KIF4A: variants seen among roughly 807,000 people sequenced by gnomAD.
KIF4A encodes kinesin family member 4A.
In KIF4A, 7 loss-of-function variants were observed where a neutral mutation model predicts 105.9. The ratio of observed to expected loss-of-function variants is 0.07; its 90% CI spans 0.04 to 0.12. The LOEUF is 0.12. Ranked by LOEUF, KIF4A falls within the 10% of genes least tolerant of loss-of-function variation. KIF4A has a pLI of 1.00. For missense variants in KIF4A, 558 were observed against 929.2 expected (o/e 0.60, Z 5.19); for synonymous variants, 281 against 331.3 (o/e 0.85, Z 1.65).
intron 11 of KIF4A, among the ~76,000 whole-genome samples, chrX:70,342,661 A>G (rs1385480726): frequency 1.8e-5 from 2 of 112,654 alleles, no homozygotes; most frequent in East Asian, 2.8e-4. Flanking sequence ...AGTCAAGGAA[A>G]GATAAGCTGC....
chrX:70,357,521 G>A (rs1360162846), intron 15 of KIF4A, among the ~76,000 whole-genome samples: 4 of 111,972 alleles, frequency 3.6e-5, no homozygotes, highest in Non-Finnish European at 5.6e-5. Flanking sequence ...TGTTGACATG[G>A]ATTTCATGTC....
At chrX:70,414,823 G>T (rs145116497) in intron 28 of KIF4A, among the ~76,000 whole-genome samples, 1 of 111,824 alleles carries the variant, frequency 8.9e-6, no homozygotes, top group Non-Finnish European at 1.9e-5. Context: ...GGGATGTTAA[G>T]AGGGGCTTCA....
rs2086034102 is a variant in KIF4A, at chrX:70,352,303, A to G, written c.1432-297A>G. Among the ~76,000 whole-genome samples, 7 of 111,679 alleles carry G rather than the reference A, an allele frequency of 6.3e-5. No individual in the cohort carries two copies. The South Asian group carries it at 2.6e-3, about 42-fold the overall frequency. ...AAACTTTGGCCTTTTGGAATGGCTA[A>G]ATGTTTCACTCTGGCCCAAATGTCT... On this transcript the variant is annotated intron_variant, in intron 13 of 30. Coordinates refer to ENST00000374403, the MANE Select transcript of KIF4A (RefSeq NM_012310.5).
intron 7 of KIF4A, among the ~76,000 whole-genome samples, chrX:70,319,578 C>A (rs1413001505): frequency 2.7e-5 from 3 of 112,005 alleles, no homozygotes; most frequent in Non-Finnish European, 3.8e-5. Context: ...AAAATTAAAT[C>A]TGAGTGTTTT....
At chrX:70,371,206 G>C (rs1432678849) in intron 15 of KIF4A, among the ~76,000 whole-genome samples, 1 of 103,816 alleles carries the variant, frequency 9.6e-6, no homozygotes, top group Admixed American at 1.1e-4. Context: ...GTTTTCCACT[G>C]TCAAACTTCA....
chrX:70,401,914 CTT>C (rs2086283893), intron 22 of KIF4A, among the ~76,000 whole-genome samples: 1 of 111,687 alleles, frequency 9.0e-6, no homozygotes, highest in Non-Finnish European at 1.9e-5. Flanking sequence ...CTGGTATACT[CTT>C]TCTCACTAGA....
chrX:70,316,848 C>T (rs1177971487), intron 7 of KIF4A, among the ~76,000 whole-genome samples: 1 of 111,857 alleles, frequency 8.9e-6, no homozygotes, highest in African/African-American at 3.2e-5. Flanking sequence ...AGAGAAAATA[C>T]AAGATGCCTA....
intron 10 of KIF4A, among the ~76,000 whole-genome samples, chrX:70,335,681 A>T (rs2085947671): frequency 1.8e-5 from 2 of 111,871 alleles, no homozygotes; most frequent in Non-Finnish European, 3.8e-5. Context: ...ACATTGTAAC[A>T]ACTTAGAAAG....
At chrX:70,304,512 C>T (rs2085818359) in intron 7 of KIF4A, among the ~76,000 whole-genome samples, 1 of 109,799 alleles carries the variant, frequency 9.1e-6, no homozygotes, top group African/African-American at 3.3e-5. Context: ...GAGGAATCGC[C>T]ACACTGACTT....
intron 3 of KIF4A, among the ~76,000 whole-genome samples, chrX:70,295,435 A>G (rs1296649034): frequency 3.7e-5 from 4 of 109,130 alleles, no homozygotes; most frequent in African/African-American, 1.3e-4. Context: ...TCGGCCTCCC[A>G]AAGTGCTCGA....
At chrX:70,339,780 C>G (rs1378219941) in intron 10 of KIF4A, among the ~76,000 whole-genome samples, 2 of 112,093 alleles carry the variant, frequency 1.8e-5, no homozygotes, top group Non-Finnish European at 3.8e-5. Flanking sequence ...GGTCAATTTG[C>G]ACATGCTCAG....
Position 70,384,703 on chromosome X carries a change from G to A in KIF4A, c.2035-1915G>A, listed in dbSNP as rs200046590. On this transcript the variant is annotated intron_variant, in intron 18 of 30. Transcript: ENST00000374403. Reference sequence around the variant, plus strand: ...CGAGCCACTGCACTACAGCCTGGGCGACAGAGGGAGACTCCGTCTCAAAAA... The same window carrying A: ...CGAGCCACTGCACTACAGCCTGGGCAACAGAGGGAGACTCCGTCTCAAAAA... 2.2e-4 allele frequency among the ~76,000 whole-genome samples: 25 copies of A among 111,392 alleles called. No homozygotes were observed. The East Asian group carries it at 3.1e-3, about 14-fold the overall frequency.
At chrX:70,406,202 A>T in intron 26 of KIF4A, 57 bp from the exon 27 acceptor site, 1 of 1,004,508 alleles carries the variant, frequency 1.0e-6, no homozygotes, top group Non-Finnish European at 1.4e-6. Flanking sequence ...TGTTTTAGCC[A>T]TGAACACTCC....
At chrX:70,387,833 A>G (rs745376352) in intron 20 of KIF4A, among the ~76,000 whole-genome samples, 1 of 111,792 alleles carries the variant, frequency 8.9e-6, no homozygotes, top group Admixed American at 9.5e-5. Flanking sequence ...GCACCATTGC[A>G]CTCCAAACTG....
chrX:70,329,181 A>G (rs2085921278), intron 7 of KIF4A, among the ~76,000 whole-genome samples: 1 of 112,230 alleles, frequency 8.9e-6, no homozygotes, highest in Non-Finnish European at 1.9e-5. Context: ...TCCATGGGAA[A>G]GGGCAAGAAG....
At chrX:70,354,273 T>C (rs1453126957) in intron 15 of KIF4A, among the ~76,000 whole-genome samples, 1 of 112,647 alleles carries the variant, frequency 8.9e-6, no homozygotes, top group Non-Finnish European at 1.9e-5. Context: ...GGCAAATCCT[T>C]GGCTTTCAGG....
chrX:70,309,611 A>G lies in KIF4A; in HGVS notation c.778+7213A>G, dbSNP rs180894652. ...TATTGAGGTATAATAGACAAAAAAA[A>G]TTGTAAATGTTTAAAGTAGACAGTG... On this transcript the variant is annotated intron_variant, in intron 7 of 30. Transcript: ENST00000374403. Among the ~76,000 whole-genome samples, 354 of 112,585 alleles carry G rather than the reference A, an allele frequency of 3.1e-3. 2 individuals carry two copies. The highest frequency in any genetic ancestry group is 0.011 in the African/African-American group (345 of 31,074).
chrX:70,418,104 C>A, intron 29 of KIF4A, 100 bp downstream of exon 29: 1 of 615,029 alleles, frequency 1.6e-6, no homozygotes, highest in Non-Finnish European at 2.6e-6. Flanking sequence ...GTCTCCTGCA[C>A]AGCTCTTCCA....
intron 7 of KIF4A, among the ~76,000 whole-genome samples, chrX:70,321,042 A>G (rs975353318): frequency 8.9e-6 from 1 of 112,169 alleles, no homozygotes; most frequent in Non-Finnish European, 1.9e-5. Flanking sequence ...TCTCACGTAA[A>G]TAGAACTTTG....
Sources: gnomAD v4.1 joint callset for allele counts (sites outside exome capture counted in the v4.1 genomes callset) on GRCh38, gnomAD v4.1.1 for gene constraint, MANE v1.5 for transcripts, NCBI Gene and HGNC (gene_info 2026-07-23, HGNC 2026-07-21) for gene names.